Variants in DAB1 observed in about 807,000 individuals in gnomAD.
The protein encoded by DAB1 is DAB adaptor protein 1, also known as disabled homolog 1.
Under a neutral mutation model 64.6 loss-of-function variants are expected in DAB1, and 15 were observed. The observed-to-expected ratio is 0.23, with a 90% CI of 0.16 to 0.36. The LOEUF is 0.36. Among genes scored for constraint, DAB1 ranks in the 10% least tolerant of loss-of-function variants. The pLI, the probability that DAB1 is intolerant of heterozygous loss-of-function variation, is 1.00. For synonymous variants in DAB1, 235 were observed against 251.9 expected, an observed-to-expected ratio of 0.93 and a Z score of 0.64; for missense variants, 596 against 706.7, an observed-to-expected ratio of 0.84 and a Z score of 1.78.
chr1:58,494,909 G>C (rs912868296), intron 3 of DAB1, among the ~76,000 whole-genome samples: 159 of 152,170 alleles, frequency 1.0e-3, no homozygotes, highest in African/African-American at 3.1e-3. Context: ...CCCAGCCATC[G>C]CATTACTGGG....
intron 6 of DAB1, among the ~76,000 whole-genome samples, chr1:57,662,636 T>C (rs1167177814): frequency 6.6e-6 from 1 of 152,106 alleles, no homozygotes; most frequent in Non-Finnish European, 1.5e-5. Flanking sequence ...GGGCAAAAAA[T>C]GAGATAGCTT....
chr1:58,153,353 A>G (rs1199421305), intron 4 of DAB1, among the ~76,000 whole-genome samples: 2 of 152,188 alleles, frequency 1.3e-5, no homozygotes, highest in South Asian at 4.1e-4. Flanking sequence ...AGCTGATATC[A>G]TTATCCACAT....
intron 5 of DAB1, among the ~76,000 whole-genome samples, chr1:57,906,435 C>A (rs550673901): frequency 1.4e-4 from 22 of 152,226 alleles, no homozygotes; most frequent in East Asian, 5.8e-4. Context: ...CTACACAAAC[C>A]CAGACAATAT....
chr1:57,517,058 CAGTTAA>C (rs1644471319), intron 7 of DAB1, among the ~76,000 whole-genome samples: 1 of 152,288 alleles, frequency 6.6e-6, no homozygotes, highest in Admixed American at 6.5e-5. Flanking sequence ...TTTTTCTAGC[CAGTTAA>C]AGTTAAGCTT....
At chr1:57,027,811 A>C (rs1406433740) in intron 9 of DAB1, among the ~76,000 whole-genome samples, 2 of 152,244 alleles carry the variant, frequency 1.3e-5, no homozygotes, top group East Asian at 3.8e-4. Context: ...CAGATTGAAT[A>C]ACAGTGCCTG....
At chr1:57,365,684 G>A (rs1410146581) in intron 1 of DAB1, among the ~76,000 whole-genome samples, 1 of 151,994 alleles carries the variant, frequency 6.6e-6, no homozygotes, top group Non-Finnish European at 1.5e-5. Flanking sequence ...CAAAATCCGT[G>A]TACTATCCAC....
At chr1:58,345,790 C>G (rs1310312884) in intron 3 of DAB1, among the ~76,000 whole-genome samples, 1 of 152,104 alleles carries the variant, frequency 6.6e-6, no homozygotes, top group Non-Finnish European at 1.5e-5. Flanking sequence ...TGCAGCCCCT[C>G]ATTATATAAG....
chr1:58,170,175 TC>T (rs1479671128), intron 4 of DAB1, among the ~76,000 whole-genome samples: 4 of 152,194 alleles, frequency 2.6e-5, no homozygotes, highest in Non-Finnish European at 5.9e-5. Flanking sequence ...CCAGTATGGA[TC>T]CCCACTGGGA....
intron 6 of DAB1, among the ~76,000 whole-genome samples, chr1:57,709,045 A>G (rs949771158): frequency 1.3e-5 from 2 of 152,102 alleles, no homozygotes; most frequent in African/African-American, 4.8e-5. Flanking sequence ...CAAATCTGGA[A>G]AAGTTTTGTT....
At chr1:57,529,329 A>C (rs1197299490) in intron 7 of DAB1, among the ~76,000 whole-genome samples, 1 of 152,098 alleles carries the variant, frequency 6.6e-6, no homozygotes, top group Non-Finnish European at 1.5e-5. Flanking sequence ...ACAAAGAAGA[A>C]ACAGAACAAT....
chr1:57,099,419 C>T (rs913387116), intron 4 of DAB1, among the ~76,000 whole-genome samples: 3 of 152,248 alleles, frequency 2.0e-5, no homozygotes, highest in South Asian at 2.1e-4. Context: ...CAGTAAGTAG[C>T]GCAGTTCCTA....
At chr1:58,333,177 G>A (rs1663015389) in intron 4 of DAB1, among the ~76,000 whole-genome samples, 1 of 152,138 alleles carries the variant, frequency 6.6e-6, no homozygotes, top group South Asian at 2.1e-4. Flanking sequence ...GGGAATTGAA[G>A]CAGTCTCCTA....
intron 6 of DAB1, among the ~76,000 whole-genome samples, chr1:57,737,667 C>T (rs1416139472): frequency 6.6e-6 from 1 of 152,138 alleles, no homozygotes; most frequent in African/African-American, 2.4e-5. Flanking sequence ...TAATGGCAAC[C>T]CACACTGGAC....
At chr1:58,545,966 T>C (rs1164601877) in intron 1 of DAB1, among the ~76,000 whole-genome samples, 4 of 152,196 alleles carry the variant, frequency 2.6e-5, no homozygotes, top group Admixed American at 2.6e-4. Flanking sequence ...CTAAATCCTT[T>C]TAGCGAGGGT....
chr1:57,076,219 G>A (rs147804793), intron 4 of DAB1, among the ~76,000 whole-genome samples: 8 of 152,278 alleles, frequency 5.3e-5, no homozygotes, highest in Admixed American at 3.9e-4. Context: ...AGGTAGTTCC[G>A]GAGGTGGCTG....
intron 5 of DAB1, among the ~76,000 whole-genome samples, chr1:58,140,315 A>G (rs899738821): frequency 6.6e-6 from 1 of 152,210 alleles, no homozygotes; most frequent in African/African-American, 2.4e-5. Flanking sequence ...AAAGTGCTAC[A>G]TTTAGCAGAA....
intron 3 of DAB1, among the ~76,000 whole-genome samples, chr1:58,504,281 A>G (rs1645952147): frequency 6.6e-6 from 1 of 152,102 alleles, no homozygotes; most frequent in Non-Finnish European, 1.5e-5. Context: ...TACTCCATTC[A>G]GCCCCAATGT....
intron 4 of DAB1, among the ~76,000 whole-genome samples, chr1:58,222,578 C>T (rs577571704): frequency 8.5e-5 from 13 of 152,308 alleles, no homozygotes; most frequent in African/African-American, 3.1e-4. Context: ...CTTCTTTGAT[C>T]CTCCTAACCT....
intron 6 of DAB1, among the ~76,000 whole-genome samples, chr1:57,687,252 A>T (rs1570737774): frequency 6.6e-6 from 1 of 152,274 alleles, no homozygotes; most frequent in Non-Finnish European, 1.5e-5. Context: ...CACCAGTAAC[A>T]TTCAAGTTGA....
Sources: allele counts gnomAD v4.1 joint callset (sites outside exome capture counted in the v4.1 genomes callset), GRCh38; gene constraint gnomAD v4.1.1; transcripts MANE v1.5; gene names NCBI Gene and HGNC (gene_info 2026-07-23, HGNC 2026-07-21).